NFILZ: variants seen among roughly 807,000 people sequenced by gnomAD.
The protein encoded by NFILZ is NFIL3 like basic leucine zipper, also known as NFIL3 like protein.
chr19:8,647,789 GCGCGCGCACACACACA>G (rs1251401424), intron 3 of NFILZ, among the ~76,000 whole-genome samples: 155 of 108,004 alleles, frequency 1.4e-3, no homozygotes, highest in Middle Eastern at 5.2e-3. Context: ...GCGCGCGCGC[GCGCGCGCACACACACA>G]CACACACACA....
At chr19:8,651,439 G>A (rs554490150) in intron 3 of NFILZ, among the ~76,000 whole-genome samples, 241 of 152,284 alleles carry the variant, frequency 1.6e-3, no homozygotes, top group Non-Finnish European at 3.2e-3. Flanking sequence ...TGGGATTACC[G>A]GCGTGAGCCA....
rs1236691205 is a variant in NFILZ at position 8,680,931 on chromosome 19, G to T, written c.*3296G>T. On this transcript the variant is annotated 3_prime_UTR_variant, in exon 6 of 6. Transcript: ENST00000691075. ...GATTGAGGAGGCCCATGTGGCTGGAGTGGAGTGAGTAAGGGGGAGAGAGGG... is the reference window on the plus strand; with the variant it reads ...GATTGAGGAGGCCCATGTGGCTGGATTGGAGTGAGTAAGGGGGAGAGAGGG... Among the ~76,000 whole-genome samples, 1 of 152,142 alleles carries T rather than the reference G, an allele frequency of 6.6e-6. No individual in the cohort carries two copies. The highest frequency in any genetic ancestry group is 2.4e-5 in the African/African-American group (1 of 41,398).
chr19:8,641,641 G>A (rs925106077), intron 3 of NFILZ, among the ~76,000 whole-genome samples: 1 of 152,124 alleles, frequency 6.6e-6, no homozygotes, highest in African/African-American at 2.4e-5. Context: ...GACACTTCAT[G>A]ACAGCCCTTG....
At chr19:8,657,123 A>T (rs192473893) in intron 3 of NFILZ, among the ~76,000 whole-genome samples, 2 of 148,796 alleles carry the variant, frequency 1.3e-5, no homozygotes, top group Admixed American at 6.7e-5. Context: ...CTCCGGTGGG[A>T]GGTCCAAATC....
intron 3 of NFILZ, among the ~76,000 whole-genome samples, chr19:8,643,858 TTC>T (rs200044300): frequency 0.012 from 1,851 of 152,260 alleles, 41 homozygotes; most frequent in African/African-American, 0.043. Flanking sequence ...CTCTATCTCT[TTC>T]TGTTGCTGTC....
chr19:8,633,985 C>T (rs1555745847), intron 2 of NFILZ, among the ~76,000 whole-genome samples: 1 of 140,298 alleles, frequency 7.1e-6, no homozygotes, highest in East Asian at 2.1e-4. Context: ...TTTTTGCTTT[C>T]TTGCTTGCTT....
intron 3 of NFILZ, among the ~76,000 whole-genome samples, chr19:8,652,769 T>C (rs1257248814): frequency 6.6e-6 from 1 of 151,958 alleles, no homozygotes; most frequent in African/African-American, 2.4e-5. Flanking sequence ...TTCTTTCTTT[T>C]TTTCCTTTCT....
At chr19:8,641,015 C>T (rs2042916720) in intron 3 of NFILZ, among the ~76,000 whole-genome samples, 2 of 152,182 alleles carry the variant, frequency 1.3e-5, no homozygotes, top group African/African-American at 4.8e-5. Flanking sequence ...TAAGACTGTT[C>T]TCTGCAAGGT....
chr19:8,640,212 T>C (rs1022066907), intron 3 of NFILZ, among the ~76,000 whole-genome samples: 1 of 151,904 alleles, frequency 6.6e-6, no homozygotes, highest in Non-Finnish European at 1.5e-5. Flanking sequence ...TTCTTGATTT[T>C]CCCCCAGATC....
chr19:8,636,530 TG>T (rs2042895653), intron 3 of NFILZ, among the ~76,000 whole-genome samples: 1 of 146,634 alleles, frequency 6.8e-6, no homozygotes, highest in African/African-American at 2.5e-5. Flanking sequence ...CCGCAACCTC[TG>T]CCTCCTGGGT....
intron 3 of NFILZ, among the ~76,000 whole-genome samples, chr19:8,667,125 G>A (rs1259829448): frequency 3.9e-5 from 6 of 152,030 alleles, no homozygotes; most frequent in Admixed American, 3.3e-4. Context: ...ATTAGGGAGG[G>A]ACTGTGGAGT....
intron 3 of NFILZ, among the ~76,000 whole-genome samples, chr19:8,647,838 A>AC (rs2042948396): frequency 2.2e-5 from 2 of 91,230 alleles, no homozygotes; most frequent in Non-Finnish European, 4.7e-5. Flanking sequence ...CACACACACA[A>AC]CTGGGGCCTG....
At chr19:8,662,354 G>C (rs1003006179) in intron 3 of NFILZ, among the ~76,000 whole-genome samples, 9 of 152,058 alleles carry the variant, frequency 5.9e-5, no homozygotes, top group African/African-American at 1.7e-4. Context: ...GTCAGGGGAG[G>C]CTTGCTGAGG....
At chr19:8,634,215 C>T (rs1002874794) in intron 2 of NFILZ, among the ~76,000 whole-genome samples, 6 of 152,002 alleles carry the variant, frequency 3.9e-5, no homozygotes, top group Non-Finnish European at 8.8e-5. Flanking sequence ...CCAGGCTGGT[C>T]TTGAACCCCT....
At chr19:8,639,526 G>C (rs2042909807) in intron 3 of NFILZ, among the ~76,000 whole-genome samples, 1 of 151,934 alleles carries the variant, frequency 6.6e-6, no homozygotes, top group East Asian at 1.9e-4. Flanking sequence ...AGGAGTTTGA[G>C]GCTGTAGTGA....
chr19:8,642,951 C>CTTT (rs2042924815), intron 3 of NFILZ, among the ~76,000 whole-genome samples: 1 of 17,330 alleles, frequency 5.8e-5, no homozygotes, highest in Non-Finnish European at 1.0e-4. Flanking sequence ...AGGATTTTGA[C>CTTT]TCTTTTTTTT....
intron 1 of NFILZ, among the ~76,000 whole-genome samples, chr19:8,632,245 AGT>A (rs35056229): frequency 0.027 from 3,860 of 145,252 alleles, 85 homozygotes; most frequent in African/African-American, 0.067. Context: ...CCCGCCATAC[AGT>A]GTGTGTGTGT....
chr19:8,647,789 GCGCGCGCACACACACACACACACACACA>G (rs1343568885), intron 3 of NFILZ, among the ~76,000 whole-genome samples: 6 of 107,934 alleles, frequency 5.6e-5, no homozygotes, highest in Non-Finnish European at 1.1e-4. Context: ...GCGCGCGCGC[GCGCGCGCACACACACACACACACACACA>G]CACACACACA....
intron 3 of NFILZ, among the ~76,000 whole-genome samples, chr19:8,636,233 G>T (rs1244817429): frequency 6.6e-6 from 1 of 151,204 alleles, no homozygotes; most frequent in Non-Finnish European, 1.5e-5. Flanking sequence ...GTGAATCACG[G>T]GGTCAGGAGT....
Sources: gnomAD v4.1 joint callset for allele counts (sites outside exome capture counted in the v4.1 genomes callset) on GRCh38, gnomAD v4.1.1 for gene constraint, MANE v1.5 for transcripts, NCBI Gene and HGNC (gene_info 2026-07-23, HGNC 2026-07-21) for gene names.